SLCO1B3: variants seen among roughly 807,000 people sequenced by gnomAD.
The protein encoded by SLCO1B3 is solute carrier organic anion transporter family member 1B3.
Under a neutral mutation model 71.8 loss-of-function variants are expected in SLCO1B3, and 72 were observed. The observed-to-expected ratio is 1.00, with a 90% CI of 0.83 to 1.22. The LOEUF (loss-of-function observed/expected upper bound fraction) is 1.22, where lower values mean the gene tolerates loss of function less well. Ranked by LOEUF, SLCO1B3 falls within the 50% of genes most tolerant of loss-of-function variation. The pLI is 0.00. For synonymous variants in SLCO1B3, 298 were observed against 278.4 expected (o/e 1.07, Z -0.70); for missense variants, 911 against 819.7 (o/e 1.11, Z -1.36).
chr12:20,914,764 A>G (rs980320461), intron 15 of SLCO1B3, among the ~76,000 whole-genome samples: 7 of 152,154 alleles, frequency 4.6e-5, no homozygotes, highest in Non-Finnish European at 1.0e-4. Context: ...AGCTTTTGAA[A>G]GATAATTTCA....
chr12:20,898,624 A>G (rs1419326600), intron 14 of SLCO1B3, 124 bp downstream of exon 14: 6 of 465,798 alleles, frequency 1.3e-5, no homozygotes, highest in African/African-American at 4.1e-5. Flanking sequence ...AATCATTTCT[A>G]TTTTGTGATA....
chr12:20,877,094 G>C (rs897759147), intron 9 of SLCO1B3, among the ~76,000 whole-genome samples: 3 of 152,146 alleles, frequency 2.0e-5, no homozygotes, highest in Admixed American at 6.6e-5. Context: ...GCCTCCCAAA[G>C]TGCTGGGATT....
chr12:20,897,765 T>G (rs956112841), intron 13 of SLCO1B3, among the ~76,000 whole-genome samples: 4 of 152,216 alleles, frequency 2.6e-5, no homozygotes, highest in Non-Finnish European at 5.9e-5. Context: ...TAATGAAAGA[T>G]AATTTCATTT....
intron 3 of SLCO1B3, among the ~76,000 whole-genome samples, chr12:20,819,126 C>T (rs4318024): frequency 0.53 from 80,225 of 151,770 alleles, 21,814 homozygotes; most frequent in East Asian, 0.74. Context: ...TAGGCTAAAA[C>T]AGTAAGGTCA....
At chr12:20,841,036 C>T (rs949091170) in intron 3 of SLCO1B3, among the ~76,000 whole-genome samples, 1 of 152,178 alleles carries the variant, frequency 6.6e-6, no homozygotes, top group Non-Finnish European at 1.5e-5. Flanking sequence ...TATTAGCCCT[C>T]AGACTTGTCC....
intron 13 of SLCO1B3, among the ~76,000 whole-genome samples, chr12:20,898,085 A>T (rs1866051595): frequency 6.6e-6 from 1 of 152,212 alleles, no homozygotes; most frequent in African/African-American, 2.4e-5. Context: ...ATAATCCTTT[A>T]ATAGGAGGTA....
At chr12:20,898,747 C>A (rs1408930686) in intron 14 of SLCO1B3, among the ~76,000 whole-genome samples, 1 of 152,114 alleles carries the variant, frequency 6.6e-6, no homozygotes, top group Non-Finnish European at 1.5e-5. Flanking sequence ...ATATTATATT[C>A]TTTCTAACAG....
intron 3 of SLCO1B3, among the ~76,000 whole-genome samples, chr12:20,833,012 G>A (rs1591750184): frequency 6.6e-6 from 1 of 152,122 alleles, no homozygotes; most frequent in African/African-American, 2.4e-5. Flanking sequence ...AAACTCAGGG[G>A]GTTGGCAAGA....
At position 20,901,014 on chromosome 12, in the gene SLCO1B3, T is replaced by G. The variant is rs1480068866; in HGVS notation, c.1748-336T>G. Among the ~76,000 whole-genome samples, 3 of 152,172 alleles carry G rather than the reference T, an allele frequency of 2.0e-5. No homozygotes were observed. In the East Asian group the frequency reaches 5.8e-4, roughly 29 times the overall value. ...AAAATTCCATATGAACCAACATAAC[T>G]TTCATGTTTTACTAACAACATTCCC... On this transcript the variant is annotated intron_variant, in intron 14 of 15. Transcript: ENST00000381545.
At chr12:20,828,732 C>A (rs1301959055) in intron 3 of SLCO1B3, among the ~76,000 whole-genome samples, 1 of 151,966 alleles carries the variant, frequency 6.6e-6, no homozygotes, top group Non-Finnish European at 1.5e-5. Context: ...CTAAATACAT[C>A]CTTTTAAATT....
intron 9 of SLCO1B3, among the ~76,000 whole-genome samples, chr12:20,876,964 GGGACTA>G (rs1865592357): frequency 6.6e-6 from 1 of 152,024 alleles, no homozygotes; most frequent in African/African-American, 2.4e-5. Flanking sequence ...CCGAGTAGCT[GGGACTA>G]CAGGCACACA....
At chr12:20,848,639 A>AT (rs967860111) in intron 3 of SLCO1B3, among the ~76,000 whole-genome samples, 3 of 152,052 alleles carry the variant, frequency 2.0e-5, no homozygotes, top group African/African-American at 7.2e-5. Context: ...AAACAATGTA[A>AT]TTTTTTTTAG....
rs537425469 is a variant in SLCO1B3, at chr12:20,815,874, A to G, written c.84+52A>G. On this transcript the variant is annotated intron_variant, in intron 3 of 15. Transcript: ENST00000381545. ...TAAAATAAGTTAATGGAAAATTTTTATGTATAGAAAGGCCACTAACTGTCA... is the reference window on the plus strand; with the variant it reads ...TAAAATAAGTTAATGGAAAATTTTTGTGTATAGAAAGGCCACTAACTGTCA... 48 of 1,202,826 alleles carry G rather than the reference A, an allele frequency of 4.0e-5. 2 individuals carry two copies. The South Asian group carries it at 6.7e-4, about 17-fold the overall frequency. 74.5% of individuals were successfully genotyped at this position (1,202,826 alleles called of 1,614,324 possible).
At chr12:20,831,645 A>T (rs1468896640) in intron 3 of SLCO1B3, among the ~76,000 whole-genome samples, 1 of 152,196 alleles carries the variant, frequency 6.6e-6, no homozygotes, top group Non-Finnish European at 1.5e-5. Context: ...CAGTATTTTA[A>T]TTTTTTATGA....
intron 8 of SLCO1B3, among the ~76,000 whole-genome samples, chr12:20,872,212 A>G (rs532444853): frequency 2.0e-5 from 3 of 151,908 alleles, no homozygotes; most frequent in African/African-American, 7.2e-5. Flanking sequence ...ACCCATGTTC[A>G]ATTAAAGCTC....
chr12:20,812,197 G>A (rs1864120832), intron 1 of SLCO1B3, among the ~76,000 whole-genome samples: 1 of 152,066 alleles, frequency 6.6e-6, no homozygotes, highest in Non-Finnish European at 1.5e-5. Context: ...ATGAGTCACT[G>A]CTCCCGGCCT....
chr12:20,851,462 C>T (rs1865024313), intron 3 of SLCO1B3, among the ~76,000 whole-genome samples: 1 of 152,042 alleles, frequency 6.6e-6, no homozygotes, highest in Admixed American at 6.6e-5. Flanking sequence ...ATTTATACAT[C>T]TTGTTTGGAG....
chr12:20,821,322 C>T (rs550320385), intron 3 of SLCO1B3, among the ~76,000 whole-genome samples: 72 of 152,104 alleles, frequency 4.7e-4, no homozygotes, highest in African/African-American at 1.7e-3. Context: ...TAACTACTGT[C>T]GAGTTTGTAC....
chr12:20,841,974 G>A (rs909942986), intron 3 of SLCO1B3, among the ~76,000 whole-genome samples: 13 of 149,544 alleles, frequency 8.7e-5, no homozygotes, highest in South Asian at 2.1e-4. Context: ...AGCCTCTGTC[G>A]CCCAGTTTCA....
Sources: gnomAD v4.1 joint callset for allele counts (sites outside exome capture counted in the v4.1 genomes callset) on GRCh38, gnomAD v4.1.1 for gene constraint, MANE v1.5 for transcripts, NCBI Gene and HGNC (gene_info 2026-07-23, HGNC 2026-07-21) for gene names.